Variants in VSTM5 observed in about 807,000 individuals in gnomAD.
VSTM5 encodes V-set and transmembrane domain-containing protein 5.
VSTM5 carries 21 observed loss-of-function variants against 20.3 expected under a neutral mutation model. The observed-to-expected ratio is 1.03, with a 90% CI of 0.73 to 1.49. The LOEUF (loss-of-function observed/expected upper bound fraction) is 1.49. VSTM5 is among the 40% of genes most tolerant of loss of function. The probability of loss-of-function intolerance (pLI) is 0.00; values close to 1 mark genes in which losing one functional copy is unlikely to be tolerated. For synonymous variants in VSTM5, 100 were observed against 102.5 expected, an observed-to-expected ratio of 0.98 and a Z score of 0.14; for missense variants, 219 against 250.0, an observed-to-expected ratio of 0.88 and a Z score of 0.84.
At position 93,820,377 on chromosome 11, in the gene VSTM5, G is replaced by A. The variant is rs1015562969; in HGVS notation, c.*192C>T. 3.7e-5 allele frequency: 23 copies of A among 614,372 alleles called. No individual in the cohort carries two copies. Among genetic ancestry groups the A allele is most frequent in the African/African-American group, 2.6e-4 (14 of 53,866 alleles). 38.1% of individuals were successfully genotyped at this position (614,372 alleles called of 1,614,324 possible). ...AATCACTCTTCTCCTTGAACTTAGC[G>A]CGAGTCCTAATACTAGCTTTGTCCC... On this transcript the variant is annotated 3_prime_UTR_variant, in exon 4 of 4. Coordinates refer to ENST00000409977, the MANE Select transcript of VSTM5 (RefSeq NM_001144871.2).
chr11:93,840,267 G>A (rs1837977261), intron 1 of VSTM5, among the ~76,000 whole-genome samples: 1 of 152,208 alleles, frequency 6.6e-6, no homozygotes, highest in African/African-American at 2.4e-5. Context: ...ACTTGATTGT[G>A]CATTAGATCA....
intron 1 of VSTM5, among the ~76,000 whole-genome samples, chr11:93,829,468 G>A (rs779867257): frequency 2.0e-5 from 3 of 152,172 alleles, no homozygotes; most frequent in Non-Finnish European, 4.4e-5. Context: ...GCACAGGTTG[G>A]CAGTGAGCTG....
rs2135727958 is a variant in VSTM5 at position 93,819,713 on chromosome 11, A to G, written c.*856T>C. 1 of 152,410 alleles carries G rather than the reference A, an allele frequency of 6.6e-6. No homozygotes were observed. Among genetic ancestry groups the G allele is most frequent in the South Asian group, 2.1e-4 (1 of 4,828 alleles). 9.4% of individuals were successfully genotyped at this position (152,410 alleles called of 1,614,324 possible). On this transcript the variant is annotated 3_prime_UTR_variant, in exon 4 of 4. Transcript: ENST00000409977. ...CCGAGATGACTGATTTTCCAGCTGC[A>G]TCACCCACTATGCAAGCTCAGCTTT... is the stretch of plus-strand genomic sequence containing the variant.
At position 93,850,487 on chromosome 11, in the gene VSTM5, T is replaced by A; in HGVS notation, c.16A>T (p.Ser6Cys). MRPLP[S>C]GRRKTRGISL... ...ATGCCTCGGGTCTTCCTCCTCCCGC[T>A]GGGCAGAGGCCTCATGGGCGAGCCC... Residue 6 changes from serine (S) to cysteine (C), a missense_variant, in exon 1 of 4, where the codon AGC (serine) becomes TGC (cysteine). Coordinates refer to ENST00000409977, the MANE Select transcript of VSTM5 (RefSeq NM_001144871.2). The A allele has an allele frequency of 6.5e-7, 1 of 1,549,448 alleles. No homozygotes were observed. The highest frequency in any genetic ancestry group is 8.7e-7 in the Non-Finnish European group (1 of 1,146,392).
chr11:93,838,702 T>A (rs1944344736), intron 1 of VSTM5, among the ~76,000 whole-genome samples: 1 of 146,512 alleles, frequency 6.8e-6, no homozygotes, highest in Non-Finnish European at 1.5e-5. Context: ...GAGGCTTAGA[T>A]GGGGAGGATA....
rs7120847 is a variant in VSTM5, at chr11:93,849,131, C to T, written c.91+1281G>A. ...ATAAGTTAACATAATATTATTTTTT[C>T]TCTCTCTCTCTTCTTTTCTTTTTCT... On this transcript the variant is annotated intron_variant, in intron 1 of 3. Transcript: ENST00000409977. 7.1e-4 allele frequency among the ~76,000 whole-genome samples: 107 copies of T among 150,752 alleles called. 1 individual carries two copies. Among genetic ancestry groups the T allele is most frequent in the African/African-American group, 2.2e-3 (87 of 40,246 alleles).
In VSTM5 at chr11:93,821,015, T is replaced by C. The variant is rs752876285; in HGVS notation, c.400A>G (p.Ile134Val). Reference protein sequence around the residue: ...ERLGSSQFGTIVLHVSEILYE... With the variant: ...ERLGSSQFGTVVLHVSEILYE... Reference sequence around the variant, plus strand: ...GTCTTACCAGAGACGTGCAGCACGATGGTGCCAAACTGGCTGCTCCCCAGG... The same window carrying C: ...GTCTTACCAGAGACGTGCAGCACGACGGTGCCAAACTGGCTGCTCCCCAGG... Residue 134 changes from isoleucine (I) to valine (V), a missense_variant, in exon 2 of 4, where the codon ATC becomes GTC. Physicochemically the swap from Ile to Val is conservative, Grantham distance 29. Coordinates refer to ENST00000409977, the MANE Select transcript of VSTM5 (RefSeq NM_001144871.2). 10 of 1,551,666 alleles carry C rather than the reference T, an allele frequency of 6.4e-6. No homozygotes were observed. Among genetic ancestry groups the C allele is most frequent in the Non-Finnish European group, 8.7e-6 (10 of 1,146,988 alleles).
At chr11:93,822,787 C>CTATCTGCCCAGCTA (rs1218671066) in intron 1 of VSTM5, among the ~76,000 whole-genome samples, 1 of 152,208 alleles carries the variant, frequency 6.6e-6, no homozygotes, top group Non-Finnish European at 1.5e-5. Context: ...CCATGCCCAG[C>CTATCTGCCCAGCTA]TCGTATCTCT....
At chr11:93,845,548 T>C (rs1944406173) in intron 1 of VSTM5, among the ~76,000 whole-genome samples, 1 of 152,180 alleles carries the variant, frequency 6.6e-6, no homozygotes, top group Non-Finnish European at 1.5e-5. Flanking sequence ...GGGCGAGTCG[T>C]TTCCAACTTG....
intron 1 of VSTM5, among the ~76,000 whole-genome samples, chr11:93,841,470 G>A (rs1343538363): frequency 6.6e-6 from 1 of 152,210 alleles, no homozygotes; most frequent in East Asian, 1.9e-4. Context: ...CCTAGGTGAT[G>A]CTTCCTTCAC....
At chr11:93,841,843 T>A (rs1944372787) in intron 1 of VSTM5, among the ~76,000 whole-genome samples, 1 of 152,152 alleles carries the variant, frequency 6.6e-6, no homozygotes, top group African/African-American at 2.4e-5. Context: ...GGTCAATGGA[T>A]CAAGAGTGAA....
In VSTM5 at chr11:93,821,210, A is replaced by G; in HGVS notation, c.205T>C (p.Tyr69His). ...CHGVPTIEWT[Y>H]SSNWGTQKIV... ...TTCTGCGTTCCCCAATTGGATGAAT[A>G]TGTCCATTCGATGGTGGGCACTCCA... The change falls in exon 2 of 4, where the codon TAT becomes CAT. Residue 69 changes from tyrosine to histidine, a missense_variant. Physicochemically the swap from Tyr to His is moderately conservative, Grantham distance 83 (BLOSUM62 2). Transcript: ENST00000409977. 3 of 1,552,072 alleles carry G rather than the reference A, an allele frequency of 1.9e-6. No homozygotes were observed. Among genetic ancestry groups the G allele is most frequent in the Non-Finnish European group, 2.6e-6 (3 of 1,147,102 alleles).
At chr11:93,825,438 A>G (rs1223274871) in intron 1 of VSTM5, among the ~76,000 whole-genome samples, 3 of 152,244 alleles carry the variant, frequency 2.0e-5, no homozygotes. Context: ...CCAAAGTGCT[A>G]GGATTACATG....
chr11:93,827,931 A>G (rs1944252176), intron 1 of VSTM5, among the ~76,000 whole-genome samples: 1 of 152,224 alleles, frequency 6.6e-6, no homozygotes, highest in Non-Finnish European at 1.5e-5. Flanking sequence ...TGTTGGAGTA[A>G]TATATGTTAA....
intron 1 of VSTM5, among the ~76,000 whole-genome samples, chr11:93,828,059 AT>A (rs1451435273): frequency 1.3e-5 from 2 of 152,238 alleles, no homozygotes; most frequent in Non-Finnish European, 2.9e-5. Context: ...ATTTTTAAAA[AT>A]GTACTTTAAA....
intron 1 of VSTM5, among the ~76,000 whole-genome samples, chr11:93,834,780 C>T (rs1330804647): frequency 2.5e-5 from 2 of 78,910 alleles, no homozygotes; most frequent in African/African-American, 9.5e-5. Flanking sequence ...GAGACTCCGT[C>T]TCAAAAAAAA....
intron 1 of VSTM5, among the ~76,000 whole-genome samples, chr11:93,847,886 G>A (rs1375041296): frequency 1.3e-5 from 2 of 152,196 alleles, no homozygotes; most frequent in South Asian, 2.1e-4. Flanking sequence ...AGTTTTTGGT[G>A]AGGGCCTTCT....
chr11:93,820,270 C>A lies in VSTM5; in HGVS notation c.*299G>T, dbSNP rs111785940. 331 of 403,674 alleles carry A rather than the reference C, an allele frequency of 8.2e-4. No individual in the cohort carries two copies. Among genetic ancestry groups the A allele is most frequent in the Non-Finnish European group, 1.4e-3 (303 of 219,192 alleles). The allele number at this position is 403,674 out of a possible 1,614,324, so 25.0% of individuals were successfully genotyped here. On this transcript the variant is annotated 3_prime_UTR_variant, in exon 4 of 4. Transcript: ENST00000409977. ...CAGAGCAAGTGTCGTGAGCAAGCAG[C>A]CAACGCCTGCACTCACCCATTGGTT... is the stretch of plus-strand genomic sequence containing the variant.
At chr11:93,830,303 G>T (rs1273964731) in intron 1 of VSTM5, among the ~76,000 whole-genome samples, 5 of 152,184 alleles carry the variant, frequency 3.3e-5, no homozygotes, top group Non-Finnish European at 2.9e-5. Context: ...CCCCTAACAG[G>T]TGCTTGCTCT....
Sources: allele counts gnomAD v4.1 joint callset (sites outside exome capture counted in the v4.1 genomes callset), GRCh38; gene constraint gnomAD v4.1.1; transcripts MANE v1.5; gene names NCBI Gene and HGNC (gene_info 2026-07-23, HGNC 2026-07-21).